Variants in NEURL1 observed in about 807,000 individuals in gnomAD.
NEURL1 encodes E3 ubiquitin-protein ligase NEURL1.
A neutral mutation model predicts 41.2 loss-of-function variants in NEURL1; 26 were observed. The observed-to-expected ratio is 0.63, with a 90% CI of 0.46 to 0.87. The LOEUF (loss-of-function observed/expected upper bound fraction) is 0.87, where lower values mean the gene tolerates loss of function less well. Ranked by LOEUF, NEURL1 falls within the 40% of genes least tolerant of loss-of-function variation. The pLI is 0.00. For synonymous variants in NEURL1, 400 were observed against 402.3 expected, an observed-to-expected ratio of 0.99 and a Z score of 0.07; for missense variants, 761 against 871.1, an observed-to-expected ratio of 0.87 and a Z score of 1.59.
Position 103,585,054 on chromosome 10 carries a change from C to G in NEURL1, c.1168C>G (p.Pro390Ala). 6.3e-7 allele frequency: 1 copy of G among 1,589,710 alleles called. No homozygotes were observed. The highest frequency in any genetic ancestry group is 8.5e-7 in the Non-Finnish European group (1 of 1,176,112). ...GGAATTCTGGGCCGTGTGCCGCGTG[C>G]CCGGGCCCCTGCACAGCGGCGACAT... ...RKEFWAVCRV[P>A]GPLHSGDILG... The change falls in exon 4 of 6, where the codon CCC (proline) becomes GCC (alanine). Residue 390 changes from proline to alanine, a missense_variant. Coordinates refer to ENST00000369780, the MANE Select transcript of NEURL1 (RefSeq NM_004210.5).
intron 1 of NEURL1, among the ~76,000 whole-genome samples, chr10:103,521,714 G>A (rs187092993): frequency 2.2e-3 from 337 of 152,340 alleles, no homozygotes; most frequent in African/African-American, 7.8e-3. Context: ...TGTGTGGGAA[G>A]AGATTGATAG....
chr10:103,524,888 T>A (rs1365313374), intron 1 of NEURL1, among the ~76,000 whole-genome samples: 1 of 152,206 alleles, frequency 6.6e-6, no homozygotes. Flanking sequence ...TCTAGCTTTG[T>A]CCTTTTTGCT....
intron 3 of NEURL1, among the ~76,000 whole-genome samples, chr10:103,579,255 C>G (rs1056384931): frequency 6.6e-6 from 1 of 152,260 alleles, no homozygotes; most frequent in African/African-American, 2.4e-5. Context: ...TCAACCCAAA[C>G]CCTCCTGTGT....
chr10:103,567,620 A>G (rs1329896555), intron 1 of NEURL1, among the ~76,000 whole-genome samples: 3 of 151,700 alleles, frequency 2.0e-5, no homozygotes, highest in African/African-American at 7.3e-5. Context: ...CCGGTCTCCA[A>G]CTCCTAGGTC....
chr10:103,526,946 A>G, intron 1 of NEURL1, among the ~76,000 whole-genome samples: 1 of 149,246 alleles, frequency 6.7e-6, no homozygotes, highest in Non-Finnish European at 1.5e-5. Context: ...TTTTTTAAGT[A>G]AAAGCAAGTT....
intron 1 of NEURL1, among the ~76,000 whole-genome samples, chr10:103,547,895 C>T (rs1208266160): frequency 2.0e-5 from 3 of 152,002 alleles, no homozygotes; most frequent in Non-Finnish European, 4.4e-5. Flanking sequence ...CAGCACATCC[C>T]GCGCTCATCC....
intron 1 of NEURL1, among the ~76,000 whole-genome samples, chr10:103,563,156 T>C (rs571628493): frequency 2.0e-4 from 31 of 152,342 alleles, no homozygotes; most frequent in Admixed American, 5.9e-4. Flanking sequence ...TGGACTGAAA[T>C]GAGCCGATCA....
Position 103,498,377 on chromosome 10 carries a change from C to T in NEURL1, c.85+3905C>T, listed in dbSNP as rs1479498354. On this transcript the variant is annotated intron_variant, in intron 1 of 5. Coordinates refer to ENST00000369780, the MANE Select transcript of NEURL1 (RefSeq NM_004210.5). Reference sequence around the variant, plus strand: ...GAGTAGCTGGGACTACAGGCGCCCGCCACCGCGCCCGGCTAATTTTTTGTA... The same window carrying T: ...GAGTAGCTGGGACTACAGGCGCCCGTCACCGCGCCCGGCTAATTTTTTGTA... Among the ~76,000 whole-genome samples, 7 of 152,182 alleles carry T rather than the reference C, an allele frequency of 4.6e-5. No individual in the cohort carries two copies. The South Asian group carries it at 6.2e-4, about 14-fold the overall frequency.
In NEURL1 at chr10:103,503,788, C is replaced by CTTTTT. The variant is rs56098530; in HGVS notation, c.85+9332_85+9336dup. Among the ~76,000 whole-genome samples the CTTTTT allele has an allele frequency of 2.0e-4, 22 of 110,554 alleles. 2 individuals carry two copies. The highest frequency in any genetic ancestry group is 3.1e-4 in the South Asian group (1 of 3,194). 72.5% of individuals were successfully genotyped at this position (110,554 alleles called of 152,430 possible). On this transcript the variant is annotated intron_variant, in intron 1 of 5. Coordinates refer to ENST00000369780, the MANE Select transcript of NEURL1 (RefSeq NM_004210.5). ...AGAGCTCATGCTGTGCTCCCCCTGG[C>CTTTTT]TTTTTTTTTTTTTTTTTTTTGAGAC...
chr10:103,498,445 C>T lies in NEURL1; in HGVS notation c.85+3973C>T, dbSNP rs188901151. On this transcript the variant is annotated intron_variant, in intron 1 of 5. Coordinates refer to ENST00000369780, the MANE Select transcript of NEURL1 (RefSeq NM_004210.5). Reference sequence around the variant, plus strand: ...GTTTCACCGTGTTAGCCAGGATGGTCTCGATCTCCTGACCTTGTGATCCGC... The same window carrying T: ...GTTTCACCGTGTTAGCCAGGATGGTTTCGATCTCCTGACCTTGTGATCCGC... Among the ~76,000 whole-genome samples, 1,193 of 152,214 alleles carry T rather than the reference C, an allele frequency of 7.8e-3. 11 individuals carry two copies. Among genetic ancestry groups the T allele is most frequent in the African/African-American group, 0.027 (1,121 of 41,514 alleles).
At chr10:103,507,629 C>T (rs2033978010) in intron 1 of NEURL1, among the ~76,000 whole-genome samples, 1 of 152,124 alleles carries the variant, frequency 6.6e-6, no homozygotes, top group Non-Finnish European at 1.5e-5. Context: ...CACTTGGGAC[C>T]TGTGCTCCTG....
Position 103,545,601 on chromosome 10 carries a change from C to T in NEURL1, c.86-25271C>T, listed in dbSNP as rs996295218. ...GGCCGGTGTCCTCTGGGCTCTAGGTCATGGCCCATAGTGGTAGGCACAGAG... is the reference window on the plus strand; with the variant it reads ...GGCCGGTGTCCTCTGGGCTCTAGGTTATGGCCCATAGTGGTAGGCACAGAG... On this transcript the variant is annotated intron_variant, in intron 1 of 5. Transcript: ENST00000369780. The surrounding 1 kb of genome is among the most constrained non-coding windows in gnomAD (Gnocchi z 4.5). 2.0e-5 allele frequency among the ~76,000 whole-genome samples: 3 copies of T among 152,140 alleles called. No homozygotes were observed. The highest frequency in any genetic ancestry group is 7.2e-5 in the African/African-American group (3 of 41,420).
chr10:103,550,971 GC>G (rs1341304619), intron 1 of NEURL1: 3 of 152,206 alleles, frequency 2.0e-5, no homozygotes, highest in African/African-American at 7.2e-5. Flanking sequence ...TATAGCTTCT[GC>G]TATATATTTA....
chr10:103,548,405 C>T (rs2034966790), intron 1 of NEURL1, among the ~76,000 whole-genome samples: 1 of 152,224 alleles, frequency 6.6e-6, no homozygotes, highest in South Asian at 2.1e-4. Context: ...TCACTGCAAC[C>T]TCCACCTCCC....
chr10:103,496,993 G>T (rs948708258), intron 1 of NEURL1, among the ~76,000 whole-genome samples: 1 of 152,090 alleles, frequency 6.6e-6, no homozygotes, highest in Non-Finnish European at 1.5e-5. Flanking sequence ...CACTGTAGGT[G>T]ACCATGGGAA....
At chr10:103,580,199 G>A (rs1416272310) in intron 3 of NEURL1, among the ~76,000 whole-genome samples, 1 of 152,128 alleles carries the variant, frequency 6.6e-6, no homozygotes, top group Admixed American at 6.5e-5. Context: ...AGCCACTGCC[G>A]GGCACCAGAA....
chr10:103,542,056 G>A (rs1293101584), intron 1 of NEURL1, among the ~76,000 whole-genome samples: 1 of 152,154 alleles, frequency 6.6e-6, no homozygotes, highest in Non-Finnish European at 1.5e-5. Flanking sequence ...CCCACTGCTG[G>A]GAAATCTATG....
chr10:103,570,201 C>G (rs1040959112), intron 1 of NEURL1, among the ~76,000 whole-genome samples: 1 of 152,186 alleles, frequency 6.6e-6, no homozygotes, highest in Non-Finnish European at 1.5e-5. Context: ...ACAGGATGGG[C>G]GGGCTCTACT....
chr10:103,540,362 T>C (rs2034794491), intron 1 of NEURL1, among the ~76,000 whole-genome samples: 1 of 152,212 alleles, frequency 6.6e-6, no homozygotes, highest in South Asian at 2.1e-4. Flanking sequence ...TGATCTCAGC[T>C]CACTGCAACC....
Sources: gnomAD v4.1 joint callset for allele counts (sites outside exome capture counted in the v4.1 genomes callset) on GRCh38, gnomAD v4.1.1 for gene constraint, Gnocchi (gnomAD v3.1) non-coding constraint, MANE v1.5 for transcripts, NCBI Gene and HGNC (gene_info 2026-07-23, HGNC 2026-07-21) for gene names.